Variants in ZDHHC11B observed in about 807,000 individuals in gnomAD.
The protein encoded by ZDHHC11B is zDHHC palmitoyltransferase 11B (putative).
ZDHHC11B carries 17 observed loss-of-function variants against 42.3 expected under a neutral mutation model. That is an observed-to-expected ratio of 0.40 (90% CI 0.27 to 0.60). The LOEUF (loss-of-function observed/expected upper bound fraction) is 0.60. Ranked by LOEUF, ZDHHC11B falls within the 20% of genes least tolerant of loss-of-function variation. The probability of loss-of-function intolerance (pLI) is 0.41; values close to 1 mark genes in which losing one functional copy is unlikely to be tolerated. For synonymous variants in ZDHHC11B, 123 were observed against 193.5 expected (o/e 0.64, Z 3.02); for missense variants, 262 against 463.2 (o/e 0.57, Z 3.99).
intron 4 of ZDHHC11B, among the ~76,000 whole-genome samples, chr5:762,361 C>T (rs60091942): frequency 3.3e-5 from 5 of 151,872 alleles, no homozygotes; most frequent in East Asian, 3.9e-4. Context: ...AGCAAGATAG[C>T]GCCCAGGATG....
At chr5:721,092 G>A (rs1249535684) in intron 12 of ZDHHC11B, among the ~76,000 whole-genome samples, 5 of 151,704 alleles carry the variant, frequency 3.3e-5, no homozygotes, top group African/African-American at 1.2e-4. Context: ...GCAACAGACT[G>A]AGTCCTGTCT....
chr5:773,672 A>T (rs1375489632), intron 1 of ZDHHC11B, among the ~76,000 whole-genome samples: 2 of 151,882 alleles, frequency 1.3e-5, no homozygotes, highest in African/African-American at 4.8e-5. Context: ...GCCCCGACCC[A>T]GGTGCCTGCT....
intron 8 of ZDHHC11B, among the ~76,000 whole-genome samples, chr5:746,933 C>T (rs1249050645): frequency 1.6e-5 from 2 of 124,782 alleles, no homozygotes; most frequent in Non-Finnish European, 3.5e-5. Context: ...TCGGCCGATT[C>T]TCCTGTTGTG....
rs1412815978 is a variant in ZDHHC11B at position 711,806 on chromosome 5, C to T, written c.*484G>A. The T allele has an allele frequency of 9.9e-5, 15 of 150,850 alleles. No individual in the cohort carries two copies. Among genetic ancestry groups the T allele is most frequent in the Non-Finnish European group, 1.9e-4 (13 of 67,932 alleles). 9.3% of individuals were successfully genotyped at this position (150,850 alleles called of 1,614,324 possible). A position where few individuals can be genotyped will look rare whatever the true frequency, so the allele number is the denominator to read the frequency against. On this transcript the variant is annotated 3_prime_UTR_variant, in exon 14 of 14. Transcript: ENST00000508859. ...AGCACTGTGATCCCATTTCCTAGTA[C>T]TGTGCTACCATTTCCCAGTACTGTG...
chr5:746,208 C>T (rs1744792771), intron 8 of ZDHHC11B, among the ~76,000 whole-genome samples: 2 of 146,952 alleles, frequency 1.4e-5, no homozygotes, highest in East Asian at 2.2e-4. Flanking sequence ...CCGTGAGAGC[C>T]GATGTCTTGT....
chr5:775,479 G>C (rs1736399929), intron 1 of ZDHHC11B, among the ~76,000 whole-genome samples: 1 of 152,002 alleles, frequency 6.6e-6, no homozygotes. Context: ...CCGAAGGCAA[G>C]CATTCCTTGG....
intron 1 of ZDHHC11B, among the ~76,000 whole-genome samples, chr5:772,876 G>T (rs1168199372): frequency 6.6e-6 from 1 of 151,822 alleles, no homozygotes; most frequent in East Asian, 1.9e-4. Flanking sequence ...ACTGTTCTAG[G>T]TTCTTGTAGT....
chr5:772,842 C>T (rs1488468120), intron 1 of ZDHHC11B, among the ~76,000 whole-genome samples: 1 of 151,766 alleles, frequency 6.6e-6, no homozygotes, highest in East Asian at 1.9e-4. Context: ...CGTGGGGACT[C>T]GCCTCAGAGC....
chr5:731,871 G>C (rs549460508), intron 11 of ZDHHC11B: 1 of 151,980 alleles, frequency 6.6e-6, no homozygotes, highest in Non-Finnish European at 1.5e-5. Flanking sequence ...TTCTAGGTGG[G>C]ACTGAGCTGT....
intron 1 of ZDHHC11B, among the ~76,000 whole-genome samples, chr5:776,953 G>A (rs1296845874): frequency 2.0e-5 from 3 of 152,036 alleles, no homozygotes; most frequent in East Asian, 1.9e-4. Flanking sequence ...CCGCCTGTCA[G>A]GCAGGCAGAG....
At chr5:744,438 A>AT (rs1744513401) in intron 9 of ZDHHC11B, among the ~76,000 whole-genome samples, 1 of 148,448 alleles carries the variant, frequency 6.7e-6, no homozygotes, top group Non-Finnish European at 1.5e-5. Flanking sequence ...AGGGCCTGGG[A>AT]TTTTTCTTCA....
At chr5:759,415 C>T (rs1369504284) in intron 4 of ZDHHC11B, among the ~76,000 whole-genome samples, 4 of 152,050 alleles carry the variant, frequency 2.6e-5, no homozygotes, top group Non-Finnish European at 5.9e-5. Flanking sequence ...AAAGCTGACA[C>T]GTGCCACTGA....
chr5:744,047 T>C (rs1744464185), intron 9 of ZDHHC11B, among the ~76,000 whole-genome samples: 1 of 149,868 alleles, frequency 6.7e-6, no homozygotes, highest in Non-Finnish European at 1.5e-5. Flanking sequence ...AATGGGAACT[T>C]GCTGTTAACA....
At position 756,070 on chromosome 5, in the gene ZDHHC11B, A is replaced by T; in HGVS notation, c.297T>A (p.Asn99Lys). 1 of 1,355,336 alleles carries T rather than the reference A, an allele frequency of 7.4e-7. No individual in the cohort carries two copies. Among genetic ancestry groups the T allele is most frequent in the South Asian group, 1.3e-5 (1 of 75,790 alleles). 84.0% of individuals were successfully genotyped at this position (1,355,336 alleles called of 1,614,324 possible). A position where few individuals can be genotyped will look rare whatever the true frequency, so the allele number is the denominator to read the frequency against. Residue 99 changes from asparagine to lysine, a missense_variant, in exon 5 of 14, where the codon AAT (asparagine) becomes AAA (lysine). This residue lies in a region of ZDHHC11B where 33 missense variants were observed against 174.6 expected (regional missense o/e 0.19). Transcript: ENST00000508859. Reference protein sequence around the residue: ...IASCIDPADSNVRLMKNYSQP... With the variant: ...IASCIDPADSKVRLMKNYSQP... The stretch of plus-strand genomic sequence containing the variant: ...GAGAATAGTTCTTCATGAGTCTGAC[A>T]TTGGAGTCGGCCGGGTCGATGCAGG...
chr5:777,826 G>A (rs896014015), intron 1 of ZDHHC11B, among the ~76,000 whole-genome samples: 4 of 151,968 alleles, frequency 2.6e-5, no homozygotes, highest in South Asian at 2.1e-4. Context: ...CCACGCGCCC[G>A]CACTCCTCAG....
intron 6 of ZDHHC11B, among the ~76,000 whole-genome samples, 153 bp from the exon 7 acceptor site, chr5:751,410 G>GCGTGCGGTGTGCAGGGGCATGTGGGGCA (rs1554036609): frequency 7.2e-4 from 37 of 51,452 alleles, no homozygotes; most frequent in African/African-American, 1.7e-3. Context: ...GCAAGGGCAG[G>GCGTGCGGTGTGCAGGGGCATGTGGGGCA]TGTGGGACAG....
At chr5:729,392 G>C (rs1439421092) in intron 12 of ZDHHC11B, among the ~76,000 whole-genome samples, 4 of 151,122 alleles carry the variant, frequency 2.6e-5, no homozygotes, top group Admixed American at 6.6e-5. Context: ...GAGAGCACGG[G>C]GCTGTTCTGT....
At chr5:777,976 C>T (rs936154802) in intron 1 of ZDHHC11B, among the ~76,000 whole-genome samples, 1 of 151,864 alleles carries the variant, frequency 6.6e-6, no homozygotes, top group African/African-American at 2.4e-5. Flanking sequence ...AGCAGGGAGG[C>T]GGCTGAGGCC....
chr5:729,857 G>A (rs534880519), intron 12 of ZDHHC11B, among the ~76,000 whole-genome samples: 2 of 151,834 alleles, frequency 1.3e-5, no homozygotes, highest in South Asian at 2.1e-4. Context: ...TGTGAGAAGT[G>A]TATCCTGTAC....
Sources: allele counts gnomAD v4.1 joint callset (sites outside exome capture counted in the v4.1 genomes callset), GRCh38; gene constraint gnomAD v4.1.1; regional missense constraint gnomAD v4.1.1; transcripts MANE v1.5; gene names NCBI Gene and HGNC (gene_info 2026-07-23, HGNC 2026-07-21).